Variants in TENM2 observed in about 807,000 individuals in gnomAD.
TENM2 encodes the protein teneurin transmembrane protein 2, also known as teneurin-2.
In TENM2, 52 loss-of-function variants were observed where a neutral mutation model predicts 245.2. The observed-to-expected ratio is 0.21, with a 90% CI of 0.17 to 0.27. The LOEUF (loss-of-function observed/expected upper bound fraction) is 0.27, where lower values mean the gene tolerates loss of function less well. Among genes scored for constraint, TENM2 ranks in the 10% least tolerant of loss-of-function variants. TENM2 has a pLI of 1.00. For missense variants in TENM2, 3,046 were observed against 3,666.8 expected, an observed-to-expected ratio of 0.83 and a Z score of 4.37; for synonymous variants, 1,363 against 1,438.9, an observed-to-expected ratio of 0.95 and a Z score of 1.19.
chr5:168,119,281 C>G (rs1215318108), intron 10 of TENM2, among the ~76,000 whole-genome samples: 3 of 152,122 alleles, frequency 2.0e-5, no homozygotes, highest in Non-Finnish European at 4.4e-5. Flanking sequence ...TAAACTGAAT[C>G]TAATCTGACA....
At chr5:167,324,332 C>A (rs1347162782) in intron 1 of TENM2, among the ~76,000 whole-genome samples, 1 of 152,076 alleles carries the variant, frequency 6.6e-6, no homozygotes, top group African/African-American at 2.4e-5. Context: ...AGCATTACAG[C>A]CAGAGAAATA....
chr5:167,711,569 A>C (rs1239985538), intron 2 of TENM2, among the ~76,000 whole-genome samples: 1 of 152,184 alleles, frequency 6.6e-6, no homozygotes, highest in East Asian at 1.9e-4. Context: ...CCACCTTGCC[A>C]ATCACATCCC....
intron 5 of TENM2, among the ~76,000 whole-genome samples, chr5:168,046,276 C>A (rs1788598316): frequency 6.6e-6 from 1 of 152,178 alleles, no homozygotes; most frequent in Admixed American, 6.5e-5. Flanking sequence ...TCTCCCATCC[C>A]CACATCAGAC....
At chr5:167,344,062 T>A (rs1758289374) in intron 1 of TENM2, among the ~76,000 whole-genome samples, 1 of 151,258 alleles carries the variant, frequency 6.6e-6, no homozygotes. Context: ...AATTCACTTG[T>A]CATGAGATGA....
At chr5:168,015,230 G>A (rs919116755) in intron 5 of TENM2, among the ~76,000 whole-genome samples, 1 of 152,204 alleles carries the variant, frequency 6.6e-6, no homozygotes, top group Non-Finnish European at 1.5e-5. Flanking sequence ...GACAGACAGT[G>A]CAGGAAATGA....
intron 2 of TENM2, among the ~76,000 whole-genome samples, chr5:167,408,571 G>A (rs774917029): frequency 1.3e-5 from 2 of 151,842 alleles, no homozygotes; most frequent in African/African-American, 2.4e-5. Context: ...ACTTTACTGC[G>A]GTCTTTATGA....
intron 19 of TENM2, among the ~76,000 whole-genome samples, 197 bp downstream of exon 21, chr5:168,204,818 A>G (rs756789289): frequency 3.3e-5 from 5 of 152,236 alleles, no homozygotes; most frequent in Admixed American, 2.0e-4. Context: ...CAGATTTGAT[A>G]CAATAGTCAA....
the TENM2 span, among the ~76,000 whole-genome samples, chr5:167,132,967 T>C: frequency 6.6e-6 from 1 of 152,272 alleles, no homozygotes; most frequent in East Asian, 1.9e-4. Flanking sequence ...TACAAAACCT[T>C]TATTAATGTA....
At chr5:166,982,791 T>TGG in the TENM2 span, among the ~76,000 whole-genome samples, 44 of 149,734 alleles carry the variant, frequency 2.9e-4, no homozygotes, top group Non-Finnish European at 4.9e-4. Flanking sequence ...ATGTTTTTTT[T>TGG]GGGGGGGGGA....
At chr5:168,081,601 C>G (rs928338817) in intron 7 of TENM2, among the ~76,000 whole-genome samples, 3 of 152,198 alleles carry the variant, frequency 2.0e-5, no homozygotes, top group Non-Finnish European at 1.5e-5. Flanking sequence ...GTGCTTCCTT[C>G]AGGAGCTCTT....
At chr5:167,543,298 C>T (rs972516614) in intron 2 of TENM2, among the ~76,000 whole-genome samples, 5 of 152,120 alleles carry the variant, frequency 3.3e-5, no homozygotes, top group African/African-American at 1.2e-4. Flanking sequence ...CAGAAGTTGT[C>T]CTGTGTCATC....
chr5:168,170,510 AAG>A (rs952342838), intron 13 of TENM2, among the ~76,000 whole-genome samples: 8 of 151,084 alleles, frequency 5.3e-5, no homozygotes, highest in Admixed American at 1.3e-4. Context: ...CCATCTCAAA[AAG>A]AGAGAGAGAG....
the TENM2 span, among the ~76,000 whole-genome samples, chr5:167,258,652 A>G: frequency 6.2e-3 from 949 of 152,238 alleles, 12 homozygotes; most frequent in African/African-American, 0.021. Flanking sequence ...CTTAGCTTCT[A>G]TCATGAAAAC....
At chr5:167,826,017 G>A (rs548369336) in intron 2 of TENM2, among the ~76,000 whole-genome samples, 18 of 152,000 alleles carry the variant, frequency 1.2e-4, no homozygotes, top group South Asian at 4.2e-4. Flanking sequence ...CCAACACGTC[G>A]TGTACCTGTA....
chr5:167,616,602 G>T (rs1271295540), intron 2 of TENM2, among the ~76,000 whole-genome samples: 1 of 151,996 alleles, frequency 6.6e-6, no homozygotes, highest in African/African-American at 2.4e-5. Context: ...GGGTATTAGG[G>T]AAATCAAATC....
At chr5:168,008,850 A>AATTCT (rs1421432604) in intron 5 of TENM2, among the ~76,000 whole-genome samples, 6 of 152,228 alleles carry the variant, frequency 3.9e-5, no homozygotes, top group Non-Finnish European at 8.8e-5. Context: ...ATTGGTATGT[A>AATTCT]ATTCTACCAA....
chr5:168,199,082 C>G (rs1761707982), exon 16 of TENM2: 1 of 1,613,684 alleles, frequency 6.2e-7, no homozygotes, highest in African/African-American at 1.3e-5. Flanking sequence ...TAGTGCTGCC[C>G]CTGGGCAGAA....
At chr5:167,228,399 T>A in the TENM2 span, among the ~76,000 whole-genome samples, 1 of 152,020 alleles carries the variant, frequency 6.6e-6, no homozygotes, top group African/African-American at 2.4e-5. Flanking sequence ...TTTCATTGAA[T>A]AAGTTCTTCA....
the TENM2 span, among the ~76,000 whole-genome samples, chr5:167,078,634 G>A: frequency 6.6e-6 from 1 of 152,084 alleles, no homozygotes; most frequent in Non-Finnish European, 1.5e-5. Context: ...AAGTCTCTGT[G>A]AACACAAAAT....
Sources: allele counts gnomAD v4.1 joint callset (sites outside exome capture counted in the v4.1 genomes callset), GRCh38; gene constraint gnomAD v4.1.1; transcripts MANE v1.5; gene names NCBI Gene and HGNC (gene_info 2026-07-23, HGNC 2026-07-21).